The following NEB variants were observed in gnomAD, a reference collection of about 807,000 sequenced individuals.
The protein encoded by NEB is nebulin, also known as nemaline myopathy type 2.
A neutral mutation model predicts 952.2 loss-of-function variants in NEB; 512 were observed. The observed-to-expected ratio is 0.54, with a 90% confidence interval of 0.50 to 0.58. NEB has a LOEUF of 0.58. NEB is among the 20% of genes least tolerant of loss of function. The pLI is 0.00. For synonymous variants in NEB, 2,900 were observed against 3,149.8 expected (o/e 0.92, Z 2.66); for missense variants, 8,428 against 9,231.1 (o/e 0.91, Z 3.56).
intron 13 of NEB, among the ~76,000 whole-genome samples, chr2:151,699,875 C>T (rs1373746525): frequency 4.0e-5 from 6 of 151,760 alleles, no homozygotes; most frequent in African/African-American, 2.4e-5. Flanking sequence ...TAATTAGATC[C>T]GATTTGTCAA....
At chr2:151,671,523 T>G (rs1411434171) in intron 37 of NEB, 3 of 340,652 alleles carry the variant, frequency 8.8e-6, no homozygotes, top group Admixed American at 8.5e-5. Context: ...TTGTTTATCT[T>G]AAAGCATTTT....
rs118023496 is a variant in NEB, at chr2:151,561,719, T to C, written c.18996+391A>G. Among the ~76,000 whole-genome samples, 344 of 152,230 alleles carry C rather than the reference T, an allele frequency of 2.3e-3. 9 individuals are homozygous for C. The East Asian group carries it at 0.046, about 20-fold the overall frequency. ...TCCATTACAACTGCCCTATCAGAGC[T>C]GAACCACGTGCTGAAAAGTTTTCCA... On this transcript the variant is annotated intron_variant, in intron 121 of 181. Transcript: ENST00000397345.
rs755069446 is a variant in NEB, at chr2:151,627,565, A to G, written c.10101T>C (p.Asn3367=). 5.0e-6 allele frequency: 8 copies of G among 1,614,010 alleles called. No individual in the cohort carries two copies. Among genetic ancestry groups the G allele is most frequent in the African/African-American group, 1.3e-5 (1 of 75,050 alleles). ...LHEWTCLPDQ[N]DVIHARQAYD... ...AGGCCTGCCGAGCATGGATGACATC[A>G]TTCTGGTCGGGCAGGCACGTCCACT... The change falls in exon 69 of 182, where the codon AAT becomes AAC. Residue 3367 remains asparagine (N), a synonymous_variant. Transcript: ENST00000397345.
chr2:151,531,793 T>A lies in NEB; in HGVS notation c.21521A>T (p.Asp7174Val). 6.2e-7 allele frequency: 1 copy of A among 1,606,326 alleles called. No homozygotes were observed. Among genetic ancestry groups the A allele is most frequent in the Non-Finnish European group, 8.5e-7 (1 of 1,173,992 alleles). ...RTTKVNKQIS[D>V]ILYKLEYNKA... ...GTATTCAGTGTTTCTTGCACTTACA[T>A]CGCTGATTTGTTTGTTGACTTTTGT... Residue 7174 changes from aspartate to valine, a missense_variant and splice_region_variant, in exon 144 of 182, where the codon GAT (aspartate) becomes GTT (valine). Asp to Val is a radical substitution (Grantham distance 152). Around this residue, in one of 11 missense-constraint regions of NEB, gnomAD observed 3,374 missense variants for 3,651.5 expected, o/e 0.92. Transcript: ENST00000397345.
chr2:151,719,481 C>T (rs892906370), intron 9 of NEB, among the ~76,000 whole-genome samples: 5 of 152,142 alleles, frequency 3.3e-5, no homozygotes, highest in Admixed American at 6.5e-5. Context: ...TAATATCTAC[C>T]TAGTGCCTAT....
intron 157 of NEB, 131 bp downstream of exon 157, chr2:151,516,328 T>C (rs1248886857): frequency 2.0e-5 from 12 of 595,578 alleles, no homozygotes. Flanking sequence ...GAGAAGATTT[T>C]AGTGATCACA....
intron 13 of NEB, among the ~76,000 whole-genome samples, chr2:151,703,000 G>A (rs1341564025): frequency 6.6e-6 from 1 of 152,058 alleles, no homozygotes; most frequent in Non-Finnish European, 1.5e-5. Flanking sequence ...GCTGGTACCG[G>A]TTGTTGCTTT....
At chr2:151,644,344 G>A (rs1574952005) in intron 56 of NEB, 124 bp downstream of exon 56, 1 of 1,082,212 alleles carries the variant, frequency 9.2e-7, no homozygotes, top group East Asian at 2.5e-5. Flanking sequence ...CACACTGCAT[G>A]GGATCATTTT....
chr2:151,725,036 A>G (rs1302801766), intron 6 of NEB, 75 bp from the exon 7 acceptor site: 4 of 1,081,374 alleles, frequency 3.7e-6, no homozygotes, highest in East Asian at 2.4e-5. Flanking sequence ...TCTTATAACC[A>G]CAGAGCATTA....
chr2:151,706,808 A>T, intron 13 of NEB, 73 bp downstream of exon 13: 1 of 1,023,522 alleles, frequency 9.8e-7, no homozygotes, highest in Non-Finnish European at 1.5e-6. Context: ...ATATTCATTT[A>T]GTCATTAAAG....
At chr2:151,571,414 C>A (rs1430134473) in intron 107 of NEB, among the ~76,000 whole-genome samples, 4 of 152,208 alleles carry the variant, frequency 2.6e-5, no homozygotes, top group Admixed American at 2.6e-4. Context: ...GTATTGGTAA[C>A]ATTGAGATAA....
intron 63 of NEB, among the ~76,000 whole-genome samples, chr2:151,637,514 A>G (rs1487896712): frequency 1.3e-5 from 2 of 152,202 alleles, no homozygotes; most frequent in Admixed American, 1.3e-4. Context: ...TCTTTTTAAC[A>G]TCAGAGGGGA....
At chr2:151,572,378 C>T (rs565400770) in intron 107 of NEB, among the ~76,000 whole-genome samples, 4 of 151,210 alleles carry the variant, frequency 2.6e-5, no homozygotes, top group South Asian at 2.1e-4. Context: ...TTAATGCAAA[C>T]GTGTATTATG....
At chr2:151,692,646 T>C (rs2099567891) in intron 20 of NEB, among the ~76,000 whole-genome samples, 1 of 152,172 alleles carries the variant, frequency 6.6e-6, no homozygotes, top group African/African-American at 2.4e-5. Flanking sequence ...ATTTTTTGTC[T>C]TAAAGTAATT....
intron 112 of NEB, 54 bp downstream of exon 112, chr2:151,568,262 C>A (rs1187568913): frequency 6.3e-6 from 10 of 1,593,190 alleles, no homozygotes; most frequent in Non-Finnish European, 8.6e-6. Context: ...CCTACAGTTC[C>A]ATTAAGGCCC....
intron 10 of NEB, among the ~76,000 whole-genome samples, chr2:151,712,235 C>T (rs141355715): frequency 6.6e-6 from 1 of 152,176 alleles, no homozygotes; most frequent in African/African-American, 2.4e-5. Flanking sequence ...TGGGCCTGAT[C>T]CCCAAAACTG....
chr2:151,534,546 T>C (rs1369495374), intron 142 of NEB, among the ~76,000 whole-genome samples: 1 of 152,078 alleles, frequency 6.6e-6, no homozygotes, highest in East Asian at 1.9e-4. Flanking sequence ...AAAATTAGAG[T>C]TCCTTGTGCC....
chr2:151,636,139 G>T, intron 64 of NEB, 88 bp downstream of exon 64: 1 of 1,111,758 alleles, frequency 9.0e-7, no homozygotes, highest in Non-Finnish European at 1.3e-6. Flanking sequence ...ATTTTCAAAG[G>T]TCCAGGAAAA....
At chr2:151,521,080 G>A (rs1414826732) in intron 153 of NEB, among the ~76,000 whole-genome samples, 1 of 152,046 alleles carries the variant, frequency 6.6e-6, no homozygotes, top group Admixed American at 6.6e-5. Flanking sequence ...AACCCTCAGG[G>A]AATCCTAGAG....
Sources: gnomAD v4.1 joint callset for allele counts (sites outside exome capture counted in the v4.1 genomes callset) on GRCh38, gnomAD v4.1.1 for gene constraint, gnomAD v4.1.1 regional missense constraint, MANE v1.5 for transcripts, NCBI Gene and HGNC (gene_info 2026-07-23, HGNC 2026-07-21) for gene names.